Variants in LHX4 observed in about 807,000 individuals in gnomAD.
LHX4 encodes the protein LIM homeobox 4.
LHX4 carries 16 observed loss-of-function variants against 39.2 expected under a neutral mutation model. That is an observed-to-expected ratio of 0.41 (90% CI 0.28 to 0.62). LHX4 has a LOEUF of 0.62. Among genes scored for constraint, LHX4 ranks in the 20% least tolerant of loss-of-function variants. The pLI, the probability that LHX4 is intolerant of heterozygous loss-of-function variation, is 0.33. For missense variants in LHX4, 439 were observed against 511.9 expected (o/e 0.86, Z 1.37); for synonymous variants, 206 against 198.1 (o/e 1.04, Z -0.33).
At chr1:180,244,653 C>T (rs1232719831) in intron 1 of LHX4, among the ~76,000 whole-genome samples, 2 of 152,182 alleles carry the variant, frequency 1.3e-5, no homozygotes, top group East Asian at 1.9e-4. Flanking sequence ...GAAATATAGC[C>T]AAATCTCTTC....
intron 3 of LHX4, among the ~76,000 whole-genome samples, chr1:180,268,656 A>G (rs982875821): frequency 1.3e-5 from 2 of 152,186 alleles, no homozygotes; most frequent in African/African-American, 2.4e-5. Flanking sequence ...GGGATGTGAA[A>G]TAAGAGACTG....
Position 180,244,030 on chromosome 1 carries a change from C to T in LHX4, c.77-4255C>T, listed in dbSNP as rs1048225614. On this transcript the variant is annotated intron_variant, in intron 1 of 5. Coordinates refer to ENST00000263726, the MANE Select transcript of LHX4 (RefSeq NM_033343.4). Reference sequence around the variant, plus strand: ...CCCCCACCGTCAGCCTTGGGCACATCGCCTGATCTCGCGAAGGCTCAGTTT... The same window carrying T: ...CCCCCACCGTCAGCCTTGGGCACATTGCCTGATCTCGCGAAGGCTCAGTTT... 2.6e-5 allele frequency among the ~76,000 whole-genome samples: 4 copies of T among 152,168 alleles called. No individual in the cohort carries two copies. In the East Asian group the frequency reaches 5.8e-4, roughly 22 times the overall value.
intron 2 of LHX4, among the ~76,000 whole-genome samples, chr1:180,258,396 A>C (rs917829469): frequency 6.6e-6 from 1 of 152,182 alleles, no homozygotes; most frequent in African/African-American, 2.4e-5. Flanking sequence ...CTGGGATGCC[A>C]TAGTGCCTTG....
In LHX4 at chr1:180,234,152, C is replaced by T. The variant is rs1203456558; in HGVS notation, c.76+3547C>T. Among the ~76,000 whole-genome samples, 1 of 131,194 alleles carries T rather than the reference C, an allele frequency of 7.6e-6. No homozygotes were observed. The highest frequency in any genetic ancestry group is 2.8e-5 in the African/African-American group (1 of 35,998). 86.1% of individuals were successfully genotyped at this position (131,194 alleles called of 152,430 possible). A position where few individuals can be genotyped will look rare whatever the true frequency, so the allele number is the denominator to read the frequency against. On this transcript the variant is annotated intron_variant, in intron 1 of 5. Coordinates refer to ENST00000263726, the MANE Select transcript of LHX4 (RefSeq NM_033343.4). The surrounding 1 kb of genome is among the most constrained non-coding windows in gnomAD (Gnocchi z 4.8). ...TGTCTCCTAGTGCGAGAAACAGACA[C>T]ACACAACACACACAAATTATATATA...
upstream of LHX4, among the ~76,000 whole-genome samples, chr1:180,229,963 G>GCGGC (rs1558204889): frequency 2.6e-5 from 2 of 78,230 alleles, no homozygotes; most frequent in African/African-American, 4.4e-5. Context: ...CGGAGGCGGG[G>GCGGC]AGGGGGGGGG....
rs1648982233 is a variant in LHX4, at chr1:180,275,653, G to C, written c.*1074G>C. ...GCTGACTCAATTGGAGGACAGTTTT[G>C]GTCATTTCCAGGAACCAGCAATTTT... is the stretch of plus-strand genomic sequence containing the variant. On this transcript the variant is annotated 3_prime_UTR_variant, in exon 6 of 6. Transcript: ENST00000263726. 1 of 152,182 alleles carries C rather than the reference G, an allele frequency of 6.6e-6. No individual in the cohort carries two copies. The highest frequency in any genetic ancestry group is 2.1e-4 in the South Asian group (1 of 4,818). The allele number at this position is 152,182 out of a possible 1,614,324, so 9.4% of individuals were successfully genotyped here.
intron 2 of LHX4, among the ~76,000 whole-genome samples, chr1:180,252,263 G>T (rs1325763780): frequency 6.6e-6 from 1 of 152,138 alleles, no homozygotes; most frequent in Non-Finnish European, 1.5e-5. Flanking sequence ...GGGGCAGGAG[G>T]GGGCAAGCAG....
intron 2 of LHX4, among the ~76,000 whole-genome samples, chr1:180,260,449 C>T (rs1648068013): frequency 6.6e-6 from 1 of 151,720 alleles, no homozygotes; most frequent in Non-Finnish European, 1.5e-5. Flanking sequence ...GTGAGCAGCC[C>T]AGCCAGGTGG....
At chr1:180,229,880 T>G (rs898341300), upstream of LHX4, among the ~76,000 whole-genome samples, 28 of 148,496 alleles carry the variant, frequency 1.9e-4, no homozygotes, top group Non-Finnish European at 3.6e-4. Context: ...TCCGACCACC[T>G]GCTGCCGCGG....
chr1:180,252,267 C>T (rs144985978), intron 2 of LHX4, among the ~76,000 whole-genome samples: 2 of 152,268 alleles, frequency 1.3e-5, no homozygotes, highest in Non-Finnish European at 2.9e-5. Flanking sequence ...CAGGAGGGGG[C>T]AAGCAGTCCG....
In LHX4 at chr1:180,257,867, C is replaced by T. The variant is rs7535443; in HGVS notation, c.249-8525C>T. ...AATAGCCAAGAGTAAGGAAGACATC[C>T]CAGAGGAGAGGCACTGAGTTCAAAT... is the stretch of plus-strand genomic sequence containing the variant. On this transcript the variant is annotated intron_variant, in intron 2 of 5. Transcript: ENST00000263726. Among the ~76,000 whole-genome samples the T allele has an allele frequency of 6.3e-3, 953 of 152,300 alleles. 11 individuals carry two copies. The highest frequency in any genetic ancestry group is 0.022 in the African/African-American group (925 of 41,552).
intron 2 of LHX4, 171 bp downstream of exon 2, chr1:180,248,627 C>CACTG: frequency 1.4e-6 from 1 of 720,384 alleles, no homozygotes. Context: ...CCCTTCTGAT[C>CACTG]ACTGGCCCAT....
rs1386307473 is a variant in LHX4, at chr1:180,266,069, C to G, written c.249-323C>G. 6.6e-6 allele frequency among the ~76,000 whole-genome samples: 1 copy of G among 152,132 alleles called. No individual in the cohort carries two copies. Among genetic ancestry groups the G allele is most frequent in the African/African-American group, 2.4e-5 (1 of 41,422 alleles). ...GGGGGAGACAGCCTGCTTTGAGGGACTTAGAAAGTCCACCTGCTCCCCCTG... is the reference window on the plus strand; with the variant it reads ...GGGGGAGACAGCCTGCTTTGAGGGAGTTAGAAAGTCCACCTGCTCCCCCTG... On this transcript the variant is annotated intron_variant, in intron 2 of 5. Coordinates refer to ENST00000263726, the MANE Select transcript of LHX4 (RefSeq NM_033343.4). This position sits in a 1 kb window ranked among gnomAD's most constrained non-coding sequence, Gnocchi z 5.7.
intron 2 of LHX4, among the ~76,000 whole-genome samples, chr1:180,255,571 G>C (rs1292272319): frequency 1.3e-5 from 2 of 152,240 alleles, no homozygotes; most frequent in African/African-American, 4.8e-5. Context: ...GATAGTGGCT[G>C]TGCGTGTGGA....
At chr1:180,255,045 G>A (rs1196836208) in intron 2 of LHX4, among the ~76,000 whole-genome samples, 1 of 152,190 alleles carries the variant, frequency 6.6e-6, no homozygotes, top group African/African-American at 2.4e-5. Flanking sequence ...TTTTCCTCAT[G>A]GGATGCTCTC....
At chr1:180,246,806 G>C (rs1647405211) in intron 1 of LHX4, among the ~76,000 whole-genome samples, 1 of 152,220 alleles carries the variant, frequency 6.6e-6, no homozygotes, top group Non-Finnish European at 1.5e-5. Flanking sequence ...GGAGATACTA[G>C]TGAAAAGCTG....
At chr1:180,255,379 TACAC>T (rs1000133127) in intron 2 of LHX4, among the ~76,000 whole-genome samples, 1 of 152,152 alleles carries the variant, frequency 6.6e-6, no homozygotes, top group Non-Finnish European at 1.5e-5. Context: ...CACACATGCA[TACAC>T]ACACGCACAC....
In LHX4 at chr1:180,234,365, C is replaced by A. The variant is rs1201941817; in HGVS notation, c.76+3760C>A. On this transcript the variant is annotated intron_variant, in intron 1 of 5. Transcript: ENST00000263726. The surrounding 1 kb of genome is among the most constrained non-coding windows in gnomAD (Gnocchi z 4.8). ...GGTCAGCTGTCCCCGCCGGCCGATT[C>A]GGGCCTGATGGGTTGGGGGTTCCGA... Among the ~76,000 whole-genome samples, 2 of 152,102 alleles carry A rather than the reference C, an allele frequency of 1.3e-5. No homozygotes were observed. Among genetic ancestry groups the A allele is most frequent in the East Asian group, 3.9e-4 (2 of 5,158 alleles).
At chr1:180,228,970 G>A (rs935710776), upstream of LHX4, among the ~76,000 whole-genome samples, 1 of 152,208 alleles carries the variant, frequency 6.6e-6, no homozygotes, top group Non-Finnish European at 1.5e-5. Context: ...GAGAGCGGCT[G>A]GGTCTTGGGG....
Sources: gnomAD v4.1 joint callset for allele counts (sites outside exome capture counted in the v4.1 genomes callset) on GRCh38, gnomAD v4.1.1 for gene constraint, Gnocchi (gnomAD v3.1) non-coding constraint, MANE v1.5 for transcripts, NCBI Gene and HGNC (gene_info 2026-07-23, HGNC 2026-07-21) for gene names.